PCDHA8: variants seen among roughly 807,000 people sequenced by gnomAD.
PCDHA8 encodes protocadherin alpha 8.
A neutral mutation model predicts 61.8 loss-of-function variants in PCDHA8; 53 were observed. That is an observed-to-expected ratio of 0.86 (90% confidence interval 0.69 to 1.08). The LOEUF (loss-of-function observed/expected upper bound fraction) is 1.08. PCDHA8 is among the 50% of genes least tolerant of loss of function. PCDHA8 has a pLI of 0.00. For synonymous variants in PCDHA8, 618 were observed against 556.6 expected (o/e 1.11, Z -1.55); for missense variants, 1,293 against 1,245.0 (o/e 1.04, Z -0.58).
chr5:140,976,743 C>A (rs782329745), intron 1 of PCDHA8, among the ~76,000 whole-genome samples: 16 of 152,116 alleles, frequency 1.1e-4, no homozygotes, highest in Non-Finnish European at 1.5e-4. Context: ...ATTTTAAAAA[C>A]CTCCCAGATG....
At chr5:140,876,238 CA>C in intron 1 of PCDHA8, 4 of 1,613,896 alleles carry the variant, frequency 2.5e-6, no homozygotes, top group Non-Finnish European at 3.4e-6. Context: ...TGAAAATGTC[CA>C]AAACGACACA....
rs2150359248 is a variant in PCDHA8, at chr5:140,843,398, C to T, written c.2077C>T (p.Leu693=). 4 of 1,595,994 alleles carry T rather than the reference C, an allele frequency of 2.5e-6. No individual in the cohort carries two copies. Among genetic ancestry groups the T allele is most frequent in the African/African-American group, 2.7e-5 (2 of 74,432 alleles). ...SAGVLGPEAA[L]VDVNVYLIIA... ...TGGCGTTTTGGGTCCGGAAGCGGCG[C>T]TGGTGGATGTCAACGTGTACCTGAT... Residue 693 remains leucine (L), a synonymous_variant, in exon 1 of 4, where the codon CTG becomes TTG. Coordinates refer to ENST00000531613, the MANE Select transcript of PCDHA8 (RefSeq NM_018911.3).
intron 3 of PCDHA8, among the ~76,000 whole-genome samples, chr5:140,984,315 C>G (rs1254013417): frequency 1.3e-5 from 2 of 152,124 alleles, no homozygotes; most frequent in African/African-American, 4.8e-5. Flanking sequence ...GTGTGTATTC[C>G]TAGGCAAATG....
chr5:140,857,882 T>A, intron 1 of PCDHA8: 1 of 1,597,334 alleles, frequency 6.3e-7, no homozygotes, highest in Non-Finnish European at 8.6e-7. Flanking sequence ...TGAATTGCAG[T>A]CGGCGGCGGT....
intron 3 of PCDHA8, among the ~76,000 whole-genome samples, chr5:140,987,362 A>G (rs1490856237): frequency 6.6e-6 from 1 of 152,208 alleles, no homozygotes; most frequent in Non-Finnish European, 1.5e-5. Flanking sequence ...AGGTTGTCTT[A>G]TATCATTACA....
intron 1 of PCDHA8, chr5:140,875,985 G>A (rs1351463699): frequency 4.3e-6 from 7 of 1,613,830 alleles, no homozygotes; most frequent in South Asian, 1.1e-5. Flanking sequence ...TGACCTATGC[G>A]TTAAGTCTAA....
At chr5:140,952,794 G>T (rs2094798904) in intron 1 of PCDHA8, among the ~76,000 whole-genome samples, 1 of 152,140 alleles carries the variant, frequency 6.6e-6, no homozygotes, top group Admixed American at 6.5e-5. Context: ...GGTTTAACTG[G>T]CTCGCAGTTC....
intron 1 of PCDHA8, chr5:140,966,545 G>A: frequency 2.1e-6 from 1 of 465,980 alleles, no homozygotes; most frequent in Non-Finnish European, 3.7e-6. Context: ...CGACTCGGAG[G>A]CGAGCGGAGG....
chr5:140,967,769 G>A (rs1213232834), intron 1 of PCDHA8: 1 of 1,614,104 alleles, frequency 6.2e-7, no homozygotes, highest in Non-Finnish European at 8.5e-7. Flanking sequence ...CCAGATCTAT[G>A]TGCAGGCGAC....
Position 140,929,475 on chromosome 5 carries a change from G to A in PCDHA8, c.2395-49474G>A, listed in dbSNP as rs1554207114. ...ACTTCCTGTGCCAAGAAATCTGGAA[G>A]TATAGAAGTATTAGAAGATTGCCCT... is the stretch of plus-strand genomic sequence containing the variant. On this transcript the variant is annotated intron_variant, in intron 1 of 3. Transcript: ENST00000531613. The A allele has an allele frequency of 4.0e-6, 5 of 1,251,128 alleles. No individual in the cohort carries two copies. The Middle Eastern group carries it at 8.1e-4, about 202-fold the overall frequency. The allele number at this position is 1,251,128 out of a possible 1,614,324, so 77.5% of individuals were successfully genotyped here. A position where few individuals can be genotyped will look rare whatever the true frequency, so the allele number is the denominator to read the frequency against.
intron 1 of PCDHA8, chr5:140,848,457 G>A (rs1030799361): frequency 6.5e-7 from 1 of 1,527,596 alleles, no homozygotes; most frequent in African/African-American, 1.4e-5. Context: ...CTAATTTGGA[G>A]GCAATTTTCA....
Position 140,842,571 on chromosome 5 carries a change from G to A in PCDHA8, c.1250G>A (p.Arg417Lys), listed in dbSNP as rs2150339476. The A allele has an allele frequency of 9.3e-6, 14 of 1,508,304 alleles. No individual in the cohort carries two copies. Among genetic ancestry groups the A allele is most frequent in the Non-Finnish European group, 1.2e-5 (13 of 1,110,420 alleles). The allele number at this position is 1,508,304 out of a possible 1,614,324, so 93.4% of individuals were successfully genotyped here. The change falls in exon 1 of 4, where the codon AGA (arginine) becomes AAA (lysine). Residue 417 changes from arginine to lysine, a missense_variant. Arg to Lys is a conservative substitution (Grantham distance 26). Coordinates refer to ENST00000531613, the MANE Select transcript of PCDHA8 (RefSeq NM_018911.3). ...LVLDSALDRE[R>K]VSAYELVVTA... ...CTGGACAGCGCCCTGGACCGCGAGA[G>A]AGTGTCGGCCTATGAGTTGGTGGTA...
chr5:140,907,479 G>A (rs782466276), intron 1 of PCDHA8, among the ~76,000 whole-genome samples: 1 of 152,216 alleles, frequency 6.6e-6, no homozygotes, highest in Non-Finnish European at 1.5e-5. Context: ...TGCAGGATAG[G>A]CAAACCCATA....
chr5:140,991,019 T>G (rs1333119856), intron 3 of PCDHA8, among the ~76,000 whole-genome samples: 1 of 152,178 alleles, frequency 6.6e-6, no homozygotes, highest in Non-Finnish European at 1.5e-5. Flanking sequence ...GATAAGCACT[T>G]TACATATGTT....
At chr5:140,909,038 A>C (rs1396337089) in intron 1 of PCDHA8, among the ~76,000 whole-genome samples, 1 of 152,126 alleles carries the variant, frequency 6.6e-6, no homozygotes, top group African/African-American at 2.4e-5. Context: ...TTTATTTTCC[A>C]TACTCTGGCA....
rs377133743 is a variant in PCDHA8 at position 140,875,740 on chromosome 5, A to C, written c.2394+32025A>C. The C allele has an allele frequency of 2.1e-4, 339 of 1,614,222 alleles. No individual in the cohort carries two copies. The African/African-American group carries it at 4.0e-3, about 19-fold the overall frequency. On this transcript the variant is annotated intron_variant, in intron 1 of 3. Coordinates refer to ENST00000531613, the MANE Select transcript of PCDHA8 (RefSeq NM_018911.3). ...TGGCATTTTGTTTGTGAATTCTCGG[A>C]TCGACCGCGAGAAGCTGTGCGGGCG...
chr5:140,969,283 T>A, intron 1 of PCDHA8: 61 of 1,614,200 alleles, frequency 3.8e-5, no homozygotes, highest in Non-Finnish European at 5.2e-5. Flanking sequence ...GTGGTCAGAA[T>A]GCTGGGAACC....
At chr5:140,847,308 C>T (rs1295740719) in intron 1 of PCDHA8, among the ~76,000 whole-genome samples, 2 of 149,754 alleles carry the variant, frequency 1.3e-5, no homozygotes, top group Admixed American at 6.7e-5. Context: ...CTGCAGTAAT[C>T]AAGGACAGAA....
At chr5:140,999,837 A>T (rs2097878885) in intron 3 of PCDHA8, among the ~76,000 whole-genome samples, 1 of 152,206 alleles carries the variant, frequency 6.6e-6, no homozygotes, top group Non-Finnish European at 1.5e-5. Context: ...AAATATGCCA[A>T]GTGTATTTAT....
Sources: allele counts gnomAD v4.1 joint callset (sites outside exome capture counted in the v4.1 genomes callset), GRCh38; gene constraint gnomAD v4.1.1; transcripts MANE v1.5; gene names NCBI Gene and HGNC (gene_info 2026-07-23, HGNC 2026-07-21).